The following CA10 variants were observed in gnomAD, a reference collection of about 807,000 sequenced individuals.
CA10 encodes carbonic anhydrase 10 (inactive).
A neutral mutation model predicts 44.2 loss-of-function variants in CA10; 14 were observed. That is an observed-to-expected ratio of 0.32 (90% CI 0.21 to 0.50). The LOEUF (loss-of-function observed/expected upper bound fraction) is 0.50, where lower values mean the gene tolerates loss of function less well. CA10 is among the 20% of genes least tolerant of loss of function. The pLI is 0.99. For missense variants in CA10, 350 were observed against 409.7 expected (o/e 0.85, Z 1.26); for synonymous variants, 159 against 141.6 (o/e 1.12, Z -0.87).
intron 2 of CA10, among the ~76,000 whole-genome samples, chr17:52,005,710 A>T (rs1199829121): frequency 1.3e-5 from 2 of 151,926 alleles, no homozygotes; most frequent in African/African-American, 2.4e-5. Flanking sequence ...CTTTTCAAAA[A>T]GATCCTTTTA....
At chr17:51,919,630 C>T (rs571678678) in intron 3 of CA10, among the ~76,000 whole-genome samples, 21 of 152,028 alleles carry the variant, frequency 1.4e-4, no homozygotes, top group Non-Finnish European at 1.6e-4. Flanking sequence ...TGTAAAATGC[C>T]TGTTAGTTGT....
chr17:51,910,035 G>T (rs202125), intron 3 of CA10, among the ~76,000 whole-genome samples: 111,608 of 151,954 alleles, frequency 0.73, 41,403 homozygotes, highest in African/African-American at 0.8. Context: ...TATCGTCATC[G>T]TTTCTTTTCA....
intron 4 of CA10, among the ~76,000 whole-genome samples, chr17:51,675,172 C>T (rs1028821424): frequency 6.6e-6 from 1 of 152,148 alleles, no homozygotes; most frequent in Non-Finnish European, 1.5e-5. Context: ...AGCATAGTCC[C>T]CCAAACTGCC....
intron 3 of CA10, among the ~76,000 whole-genome samples, chr17:51,877,716 T>C (rs1446695590): frequency 6.6e-6 from 1 of 152,198 alleles, no homozygotes; most frequent in Admixed American, 6.5e-5. Context: ...CAATTAGTAT[T>C]ACTAAGTCAT....
intron 2 of CA10, among the ~76,000 whole-genome samples, chr17:51,993,892 A>G (rs1047530349): frequency 3.9e-5 from 6 of 152,036 alleles, no homozygotes; most frequent in African/African-American, 1.4e-4. Context: ...ATAAATTACT[A>G]AGTGCCAGAT....
chr17:51,723,530 T>C (rs1346260296), intron 4 of CA10, among the ~76,000 whole-genome samples: 1 of 151,912 alleles, frequency 6.6e-6, no homozygotes, highest in Non-Finnish European at 1.5e-5. Flanking sequence ...CCCGCAGATA[T>C]CATCTATGGG....
chr17:52,071,514 G>A (rs1244346242), intron 2 of CA10, among the ~76,000 whole-genome samples: 1 of 152,156 alleles, frequency 6.6e-6, no homozygotes, highest in African/African-American at 2.4e-5. Flanking sequence ...CTTTCTATTT[G>A]CCACCAACTA....
At chr17:51,648,241 G>T (rs1913417332) in intron 6 of CA10, among the ~76,000 whole-genome samples, 1 of 152,192 alleles carries the variant, frequency 6.6e-6, no homozygotes. Flanking sequence ...CTGGCTTGGT[G>T]AAGGGCATGC....
intron 3 of CA10, among the ~76,000 whole-genome samples, chr17:51,858,403 A>G (rs1008511101): frequency 6.6e-6 from 1 of 152,130 alleles, no homozygotes; most frequent in Non-Finnish European, 1.5e-5. Flanking sequence ...CCCACAGTCT[A>G]CCCCTTCCAC....
At chr17:51,951,637 A>G (rs989664375) in intron 2 of CA10, among the ~76,000 whole-genome samples, 1 of 152,216 alleles carries the variant, frequency 6.6e-6, no homozygotes, top group African/African-American at 2.4e-5. Context: ...TGGATTCTTT[A>G]TGAATTGCTC....
chr17:51,898,061 T>C (rs1981149943), intron 3 of CA10, among the ~76,000 whole-genome samples: 2 of 152,132 alleles, frequency 1.3e-5, no homozygotes. Flanking sequence ...TTTTCTTTCT[T>C]TCTCATTCCT....
chr17:52,119,665 A>C (rs940457440), intron 1 of CA10, among the ~76,000 whole-genome samples: 3 of 152,236 alleles, frequency 2.0e-5, no homozygotes, highest in African/African-American at 7.2e-5. Flanking sequence ...TGAAAGGCCT[A>C]TGTAAAAATA....
At chr17:51,984,068 T>C (rs998645992) in intron 2 of CA10, among the ~76,000 whole-genome samples, 2 of 151,758 alleles carry the variant, frequency 1.3e-5, no homozygotes, top group Non-Finnish European at 2.9e-5. Flanking sequence ...CTAGTGTTTT[T>C]CAAGTTTTAA....
At chr17:51,795,090 G>A (rs1208812994) in intron 3 of CA10, among the ~76,000 whole-genome samples, 1 of 152,204 alleles carries the variant, frequency 6.6e-6, no homozygotes, top group Non-Finnish European at 1.5e-5. Flanking sequence ...AAAGGCCAAT[G>A]TGAAGCTTCA....
chr17:52,114,512 T>G (rs1376692570), intron 1 of CA10, among the ~76,000 whole-genome samples: 1 of 152,210 alleles, frequency 6.6e-6, no homozygotes, highest in African/African-American at 2.4e-5. Flanking sequence ...CTAATACATG[T>G]GAAGCTTTTT....
At chr17:51,874,398 A>C (rs1467480308) in intron 3 of CA10, among the ~76,000 whole-genome samples, 1 of 151,640 alleles carries the variant, frequency 6.6e-6, no homozygotes, top group Non-Finnish European at 1.5e-5. Context: ...TAAAAAAAAA[A>C]AAAAAAAACA....
chr17:51,934,371 CT>C (rs34834111), intron 2 of CA10, among the ~76,000 whole-genome samples: 102,588 of 151,816 alleles, frequency 0.68, 35,010 homozygotes, highest in Non-Finnish European at 0.71. Flanking sequence ...CTCTAAACCC[CT>C]TCCTCTCCAG....
At chr17:51,894,883 T>C (rs972107061) in intron 3 of CA10, among the ~76,000 whole-genome samples, 4 of 151,870 alleles carry the variant, frequency 2.6e-5, no homozygotes, top group Admixed American at 1.3e-4. Context: ...TGTAATCAAA[T>C]AAATAATAGA....
chr17:51,793,414 G>A (rs1906595620), intron 3 of CA10, among the ~76,000 whole-genome samples: 1 of 152,150 alleles, frequency 6.6e-6, no homozygotes, highest in Admixed American at 6.5e-5. Flanking sequence ...TGAAAAGGAG[G>A]AAGGACCACA....
Sources: gnomAD v4.1 joint callset for allele counts (sites outside exome capture counted in the v4.1 genomes callset) on GRCh38, gnomAD v4.1.1 for gene constraint, MANE v1.5 for transcripts, NCBI Gene and HGNC (gene_info 2026-07-23, HGNC 2026-07-21) for gene names.